AHNAK: variants seen among roughly 807,000 people sequenced by gnomAD.
AHNAK encodes the protein neuroblast differentiation-associated protein AHNAK.
In AHNAK, 23 loss-of-function variants were observed where a neutral mutation model predicts 37.8. That is an observed-to-expected ratio of 0.61 (90% CI 0.44 to 0.86). The LOEUF (loss-of-function observed/expected upper bound fraction) is 0.86. AHNAK is among the 40% of genes least tolerant of loss of function. The probability of loss-of-function intolerance (pLI) is 0.00; values close to 1 mark genes in which losing one functional copy is unlikely to be tolerated. For missense variants in AHNAK, 7,411 were observed against 7,319.4 expected (o/e 1.01, Z -0.46); for synonymous variants, 2,481 against 2,636.3 (o/e 0.94, Z 1.80).
chr11:62,480,683 G>A (rs1250127621), intron 5 of AHNAK, among the ~76,000 whole-genome samples: 4 of 146,696 alleles, frequency 2.7e-5, no homozygotes, highest in Non-Finnish European at 4.5e-5. Context: ...GAAAAGAAAA[G>A]AAAAAAAAGA....
intron 4 of AHNAK, among the ~76,000 whole-genome samples, chr11:62,502,981 C>T (rs780101866): frequency 3.3e-5 from 5 of 152,190 alleles, no homozygotes; most frequent in Non-Finnish European, 7.3e-5. Flanking sequence ...GAGCCACCTC[C>T]AAGACCTTTT....
At chr11:62,476,116 TA>T (rs1394828156) in intron 5 of AHNAK, among the ~76,000 whole-genome samples, 62 of 152,264 alleles carry the variant, frequency 4.1e-4, no homozygotes, top group African/African-American at 1.5e-3. Context: ...CTAATGAGCA[TA>T]CAGTGCAGTG....
At position 62,525,981 on chromosome 11, in the gene AHNAK, T is replaced by A; in HGVS notation, c.8436A>T (p.Glu2812Asp). The change falls in exon 5 of 5, where the codon GAA becomes GAT. Residue 2812 changes from glutamate (E) to aspartate (D), a missense_variant. Transcript: ENST00000378024. Reference sequence around the variant, plus strand: ...GACTTTTCCACTTTCCTTCAGGTCCTTCGATATTCACATCGGGACATTCAA... The same window carrying A: ...GACTTTTCCACTTTCCTTCAGGTCCATCGATATTCACATCGGGACATTCAA... ...VDVECPDVNI[E>D]GPEGKWKSPK... is the part of the protein sequence containing the mutation. 1 of 1,613,956 alleles carries A rather than the reference T, an allele frequency of 6.2e-7. No homozygotes were observed. The highest frequency in any genetic ancestry group is 8.5e-7 in the Non-Finnish European group (1 of 1,179,982).
In AHNAK at chr11:62,518,464, G is replaced by A. The variant is rs748592411; in HGVS notation, c.15953C>T (p.Ser5318Phe). The change falls in exon 5 of 5, where the codon TCT becomes TTT. Residue 5318 changes from serine to phenylalanine, a missense_variant. Transcript: ENST00000378024. ...GPSLKGDLDA[S>F]VPSMKVHAPG... ...AGCATGCACCTTCATGCTGGGAACA[G>A]ATGCATCCAGGTCTCCCTTCAAACT... 4 of 1,614,146 alleles carry A rather than the reference G, an allele frequency of 2.5e-6. No homozygotes were observed. In the Admixed American group the frequency reaches 6.7e-5, roughly 27 times the overall value.
chr11:62,476,924 G>A (rs972386957), intron 5 of AHNAK, among the ~76,000 whole-genome samples: 3 of 152,154 alleles, frequency 2.0e-5, no homozygotes, highest in African/African-American at 7.2e-5. Context: ...AAATTGATGA[G>A]ATGCACCAAA....
chr11:62,518,873 C>A lies in AHNAK; in HGVS notation c.15544G>T (p.Val5182Phe). 1 of 1,614,192 alleles carries A rather than the reference C, an allele frequency of 6.2e-7. No individual in the cohort carries two copies. The highest frequency in any genetic ancestry group is 1.1e-5 in the South Asian group (1 of 91,082). ...DINIEGLDAK[V>F]KTPSFGISAP... is the part of the protein sequence containing the mutation. ...GAAATGCCGAAGGACGGTGTTTTGA[C>A]TTTAGCATCTAGGCCTTCGATGTTG... is the stretch of plus-strand genomic sequence containing the variant. Residue 5182 changes from valine (V) to phenylalanine (F), a missense_variant, in exon 5 of 5, where the codon GTC (valine) becomes TTC (phenylalanine). By Grantham distance (50) the Val-to-Phe change is conservative. Coordinates refer to ENST00000378024, the MANE Select transcript of AHNAK (RefSeq NM_001620.3).
chr11:62,465,326 G>T (rs1297352), intron 5 of AHNAK, among the ~76,000 whole-genome samples: 1 of 151,962 alleles, frequency 6.6e-6, no homozygotes, highest in Non-Finnish European at 1.5e-5. Flanking sequence ...AAATTTTACC[G>T]TGCGGTCGCT....
intron 5 of AHNAK, among the ~76,000 whole-genome samples, chr11:62,444,330 C>A (rs1938378434): frequency 6.6e-6 from 1 of 152,238 alleles, no homozygotes; most frequent in Non-Finnish European, 1.5e-5. Context: ...CCTGTGAGTG[C>A]CCGGCCTCTG....
In AHNAK at chr11:62,533,208, T is replaced by C; in HGVS notation, c.1209A>G (p.Gln403=). Residue 403 remains glutamine (Q), a synonymous_variant, in exon 5 of 5, where the codon CAA becomes CAG. Coordinates refer to ENST00000378024, the MANE Select transcript of AHNAK (RefSeq NM_001620.3). ...GHIGVDASAP[Q]IGGSITGPSV... ...TGGGGCCAGTGATGCTACCCCCAAT[T>C]TGGGGAGCAGAGGCATCCACCCCAA... The C allele has an allele frequency of 2.0e-6, 3 of 1,526,980 alleles. No homozygotes were observed. Among genetic ancestry groups the C allele is most frequent in the Non-Finnish European group, 2.6e-6 (3 of 1,142,026 alleles). The allele number at this position is 1,526,980 out of a possible 1,614,324, so 94.6% of individuals were successfully genotyped here.
chr11:62,433,916 T>C, intron 5 of AHNAK: 1 of 1,611,348 alleles, frequency 6.2e-7, no homozygotes, highest in Non-Finnish European at 8.5e-7. Flanking sequence ...CAAAGAGATT[T>C]ATATTCAACA....
At chr11:62,499,703 G>A (rs1939680304) in intron 4 of AHNAK, among the ~76,000 whole-genome samples, 1 of 152,216 alleles carries the variant, frequency 6.6e-6, no homozygotes, top group African/African-American at 2.4e-5. Context: ...TGGCTCCTCT[G>A]GGATGCCAAT....
intron 1 of AHNAK, among the ~76,000 whole-genome samples, chr11:62,540,759 C>T (rs1373274791): frequency 1.3e-5 from 2 of 152,300 alleles, no homozygotes; most frequent in East Asian, 1.9e-4. Context: ...ATGGCGAGGC[C>T]GCTCCAGCTG....
rs1273857224 is a variant in AHNAK, at chr11:62,521,916, G to T, written c.12501C>A (p.Gly4167=). 1 of 1,613,390 alleles carries T rather than the reference G, an allele frequency of 6.2e-7. No homozygotes were observed. The highest frequency in any genetic ancestry group is 2.2e-5 in the East Asian group (1 of 44,830). The change falls in exon 5 of 5, where the codon GGC becomes GGA. Residue 4167 remains glycine, a synonymous_variant. Coordinates refer to ENST00000378024, the MANE Select transcript of AHNAK (RefSeq NM_001620.3). ...DLKGPEVDIK[G]PKVDIDVPDV... ...CTGGGACATCAATGTCCACTTTGGGGCCCTTGATGTCAACTTCAGGGCCCT... is the reference window on the plus strand; with the variant it reads ...CTGGGACATCAATGTCCACTTTGGGTCCCTTGATGTCAACTTCAGGGCCCT...
intron 5 of AHNAK, among the ~76,000 whole-genome samples, chr11:62,468,194 A>G (rs913695284): frequency 6.6e-6 from 1 of 152,050 alleles, no homozygotes; most frequent in African/African-American, 2.4e-5. Context: ...CTAAAATACA[A>G]AAACTTAGCC....
intron 5 of AHNAK, among the ~76,000 whole-genome samples, chr11:62,442,702 T>C (rs1245241858): frequency 6.6e-6 from 1 of 151,840 alleles, no homozygotes; most frequent in Admixed American, 6.6e-5. Context: ...GAAACCCATC[T>C]GTACTAAGAA....
exon 6 of AHNAK, chr11:62,433,717 A>G (rs1288744682): frequency 1.7e-5 from 14 of 843,776 alleles, no homozygotes; most frequent in Non-Finnish European, 2.6e-5. Context: ...GGCTGGAGCT[A>G]TAAACATGCA....
In AHNAK at chr11:62,532,945, G is replaced by A. The variant is rs1364923003; in HGVS notation, c.1472C>T (p.Pro491Leu). 1 of 1,613,964 alleles carries A rather than the reference G, an allele frequency of 6.2e-7. No individual in the cohort carries two copies. The highest frequency in any genetic ancestry group is 1.7e-5 in the Admixed American group (1 of 59,994). ...GKMKGTKVKT[P>L]EMIIQKPKIS... ...TTTAGGTTTCTGAATAATCATTTCAGGAGTCTTCACTTTAGTACCTTTCAT... is the reference window on the plus strand; with the variant it reads ...TTTAGGTTTCTGAATAATCATTTCAAGAGTCTTCACTTTAGTACCTTTCAT... Residue 491 changes from proline (P) to leucine (L), a missense_variant, in exon 5 of 5, where the codon CCT (proline) becomes CTT (leucine). Transcript: ENST00000378024.
rs754906451 is a variant in AHNAK at position 62,529,739 on chromosome 11, C to T, written c.4678G>A (p.Gly1560Arg). The change falls in exon 5 of 5, where the codon GGG becomes AGG. Residue 1560 changes from glycine to arginine, a missense_variant. Coordinates refer to ENST00000378024, the MANE Select transcript of AHNAK (RefSeq NM_001620.3). ...VPDVNLEAPE[G>R]KLKGPKFKMP... The stretch of plus-strand genomic sequence containing the variant: ...TTGAACTTAGGGCCTTTTAGTTTCC[C>T]CTCTGGAGCTTCAAGATTCACATCT... 23 of 1,614,014 alleles carry T rather than the reference C, an allele frequency of 1.4e-5. No homozygotes were observed. Among genetic ancestry groups the T allele is most frequent in the Non-Finnish European group, 1.9e-5 (22 of 1,180,036 alleles).
At position 62,485,871 on chromosome 11, in the gene AHNAK, A is replaced by G. The variant is rs189569217; in HGVS notation, c.442+5861T>C. Among the ~76,000 whole-genome samples the G allele has an allele frequency of 2.3e-3, 344 of 151,144 alleles. 3 individuals carry two copies. Among genetic ancestry groups the G allele is most frequent in the African/African-American group, 8.1e-3 (333 of 41,124 alleles). On this transcript the variant is annotated intron_variant, in intron 5 of 5. Transcript: ENST00000257247. ...CATCTCTGCTAAAAAATAACAAAAA[A>G]TTAGCCAGACATTGTGACATATACC...
Sources: gnomAD v4.1 joint callset for allele counts (sites outside exome capture counted in the v4.1 genomes callset) on GRCh38, gnomAD v4.1.1 for gene constraint, MANE v1.5 for transcripts, NCBI Gene and HGNC (gene_info 2026-07-23, HGNC 2026-07-21) for gene names.